KIAA1217: variants seen among roughly 807,000 people sequenced by gnomAD.
KIAA1217 encodes KIAA1217, also known as sickle tail protein homolog.
KIAA1217 carries 88 observed loss-of-function variants against 163.9 expected under a neutral mutation model. The observed-to-expected ratio is 0.54, with a 90% CI of 0.45 to 0.64. KIAA1217 has a LOEUF of 0.64. KIAA1217 is among the 30% of genes least tolerant of loss of function. The pLI is 0.00. For synonymous variants in KIAA1217, 903 were observed against 923.1 expected, an observed-to-expected ratio of 0.98 and a Z score of 0.39; for missense variants, 2,372 against 2,475.0, an observed-to-expected ratio of 0.96 and a Z score of 0.88.
At chr10:24,334,782 C>T (rs2046142962) in intron 2 of KIAA1217, among the ~76,000 whole-genome samples, 2 of 152,146 alleles carry the variant, frequency 1.3e-5, no homozygotes, top group South Asian at 4.1e-4. Context: ...AGAAGTACAG[C>T]ACAGAAGGTT....
intron 1 of KIAA1217, among the ~76,000 whole-genome samples, chr10:23,799,559 C>G (rs1836374171): frequency 6.6e-6 from 1 of 152,132 alleles, no homozygotes; most frequent in African/African-American, 2.4e-5. Context: ...AATGCTTCTA[C>G]CAACATGGGA....
chr10:24,114,074 A>C (rs2062958507), intron 2 of KIAA1217, among the ~76,000 whole-genome samples: 1 of 152,122 alleles, frequency 6.6e-6, no homozygotes, highest in Non-Finnish European at 1.5e-5. Flanking sequence ...ATCAACATGG[A>C]TGCATCCTGT....
At chr10:24,128,077 C>A (rs1338317295) in intron 2 of KIAA1217, among the ~76,000 whole-genome samples, 1 of 152,152 alleles carries the variant, frequency 6.6e-6, no homozygotes, top group Non-Finnish European at 1.5e-5. Context: ...AAAATCCATC[C>A]TTTGCTGAAT....
At chr10:24,540,166 C>A (rs2074803174) in intron 17 of KIAA1217, among the ~76,000 whole-genome samples, 1 of 152,206 alleles carries the variant, frequency 6.6e-6, no homozygotes, top group African/African-American at 2.4e-5. Context: ...ATCCTAGTGA[C>A]TTTCCATTAG....
chr10:24,156,259 T>C (rs923966793), intron 2 of KIAA1217, among the ~76,000 whole-genome samples: 5 of 152,176 alleles, frequency 3.3e-5, no homozygotes, highest in African/African-American at 4.8e-5. Context: ...ACCAGCATAA[T>C]TATTTTGAGA....
At chr10:24,002,161 C>G (rs1349716394) in intron 1 of KIAA1217, among the ~76,000 whole-genome samples, 2 of 152,140 alleles carry the variant, frequency 1.3e-5, no homozygotes, top group African/African-American at 4.8e-5. Flanking sequence ...GGTGAAGAGC[C>G]ACGGAAGGAG....
intron 5 of KIAA1217, among the ~76,000 whole-genome samples, chr10:24,468,814 A>G (rs1220591690): frequency 6.6e-6 from 1 of 152,178 alleles, no homozygotes; most frequent in Non-Finnish European, 1.5e-5. Context: ...AATACAATGT[A>G]TCAGAATTAC....
chr10:24,144,751 ATGC>A (rs1238827175), intron 2 of KIAA1217, among the ~76,000 whole-genome samples: 1 of 152,164 alleles, frequency 6.6e-6, no homozygotes, highest in African/African-American at 2.4e-5. Flanking sequence ...ACAATTTCCT[ATGC>A]TTCTGCTATT....
intron 17 of KIAA1217, among the ~76,000 whole-genome samples, chr10:24,539,280 G>A (rs1480426040): frequency 6.6e-6 from 1 of 151,834 alleles, no homozygotes; most frequent in Non-Finnish European, 1.5e-5. Context: ...CCAAGCTGGA[G>A]TGCAATGGCG....
rs1372589552 is a variant in KIAA1217, at chr10:23,992,717, C to T, written c.-320-14508C>T. 2.0e-5 allele frequency among the ~76,000 whole-genome samples: 3 copies of T among 150,654 alleles called. No homozygotes were observed. The East Asian group carries it at 5.8e-4, about 29-fold the overall frequency. On this transcript the variant is annotated intron_variant, in intron 1 of 18. Coordinates refer to the KIAA1217 transcript ENST00000376462. ...TCAGGCCCTGATTTGACACAGGGCC[C>T]CTAACACTGTCAAAGTGGCATGCCT...
intron 1 of KIAA1217, among the ~76,000 whole-genome samples, chr10:23,825,272 G>C (rs115779127): frequency 0.013 from 2,040 of 152,116 alleles, 48 homozygotes; most frequent in African/African-American, 0.047. Flanking sequence ...CTTTTTGGTG[G>C]GAGAAAAATG....
At chr10:24,017,884 G>T (rs147641407) in intron 2 of KIAA1217, among the ~76,000 whole-genome samples, 1 of 152,160 alleles carries the variant, frequency 6.6e-6, no homozygotes, top group East Asian at 1.9e-4. Context: ...ATTAGTGTAA[G>T]GACAAGTGCA....
chr10:24,355,241 C>T (rs2048940613), intron 2 of KIAA1217, among the ~76,000 whole-genome samples: 1 of 152,188 alleles, frequency 6.6e-6, no homozygotes, highest in Admixed American at 6.5e-5. Context: ...GTCTCACAGC[C>T]AGGGATGCAG....
chr10:23,864,722 T>C (rs1330005694), intron 1 of KIAA1217, among the ~76,000 whole-genome samples: 2 of 152,020 alleles, frequency 1.3e-5, no homozygotes, highest in East Asian at 3.9e-4. Flanking sequence ...ACAGAACAAA[T>C]AGACTGTACA....
In KIAA1217 at chr10:23,921,902, C is replaced by T. The variant is rs75435010; in HGVS notation, c.-320-85323C>T. Among the ~76,000 whole-genome samples, 3 of 152,006 alleles carry T rather than the reference C, an allele frequency of 2.0e-5. No individual in the cohort carries two copies. In the East Asian group the frequency reaches 5.8e-4, roughly 29 times the overall value. On this transcript the variant is annotated intron_variant, in intron 1 of 18. Coordinates refer to the KIAA1217 transcript ENST00000376462. ...TTCCTGACACAAGAGCTTGTAAGAC[C>T]CTTGGAATCCTAGTAGTGATAAATG...
chr10:24,095,228 G>A (rs1486121216), intron 2 of KIAA1217, among the ~76,000 whole-genome samples: 1 of 152,158 alleles, frequency 6.6e-6, no homozygotes, highest in African/African-American at 2.4e-5. Flanking sequence ...TCGTGCACGG[G>A]TGCGCTGCAC....
At chr10:24,231,216 C>T (rs2071362786) in intron 2 of KIAA1217, among the ~76,000 whole-genome samples, 1 of 152,076 alleles carries the variant, frequency 6.6e-6, no homozygotes, top group Non-Finnish European at 1.5e-5. Context: ...GGAGGCTGAG[C>T]TGGGGGGATC....
chr10:24,438,386 G>T lies in KIAA1217; in HGVS notation c.753G>T (p.Arg251Ser). 6.2e-7 allele frequency: 1 copy of T among 1,608,886 alleles called. No individual in the cohort carries two copies. Among genetic ancestry groups the T allele is most frequent in the Non-Finnish European group, 8.5e-7 (1 of 1,175,646 alleles). The change falls in exon 5 of 21, where the codon AGG becomes AGT. Residue 251 changes from arginine to serine, a missense_variant and splice_region_variant. Arg to Ser is a moderately radical substitution (Grantham distance 110). Around this residue, in one of 3 missense-constraint regions of KIAA1217, gnomAD observed 1,431 missense variants for 1,470.3 expected, o/e 0.97. Transcript: ENST00000376454. Reference protein sequence around the residue: ...RNVYYELNDVRNIQDRSLLKV... With the variant: ...RNVYYELNDVSNIQDRSLLKV... ...TAGTTATCGATGTTTTTGATTCCAG[G>T]AACATTCAAGACAGATCACTCCTCA... is the stretch of plus-strand genomic sequence containing the variant.
intron 2 of KIAA1217, among the ~76,000 whole-genome samples, chr10:24,018,815 G>A (rs556079479): frequency 6.6e-6 from 1 of 152,188 alleles, no homozygotes; most frequent in South Asian, 2.1e-4. Context: ...ATCAAGCTAA[G>A]TGTCCATCAA....
Sources: gnomAD v4.1 joint callset for allele counts (sites outside exome capture counted in the v4.1 genomes callset) on GRCh38, gnomAD v4.1.1 for gene constraint, gnomAD v4.1.1 regional missense constraint, MANE v1.5 for transcripts, NCBI Gene and HGNC (gene_info 2026-07-23, HGNC 2026-07-21) for gene names.